The following KCTD16 variants were observed in gnomAD, a reference collection of about 807,000 sequenced individuals.
KCTD16 encodes BTB/POZ domain-containing protein KCTD16.
Under a neutral mutation model 33.2 loss-of-function variants are expected in KCTD16, and 13 were observed. That is an observed-to-expected ratio of 0.39 (90% CI 0.25 to 0.62). The LOEUF (loss-of-function observed/expected upper bound fraction) is 0.62. KCTD16 is among the 20% of genes least tolerant of loss of function. The pLI is 0.50. For missense variants in KCTD16, 441 were observed against 525.1 expected (o/e 0.84, Z 1.57); for synonymous variants, 197 against 195.3 (o/e 1.01, Z -0.07).
chr5:144,217,253 A>G (rs577916764), intron 3 of KCTD16, among the ~76,000 whole-genome samples: 1 of 152,350 alleles, frequency 6.6e-6, no homozygotes, highest in South Asian at 2.1e-4. Context: ...CTATGGGCAT[A>G]TGCCTGCCAA....
At chr5:144,346,577 A>C (rs1270862397) in intron 3 of KCTD16, among the ~76,000 whole-genome samples, 2 of 152,126 alleles carry the variant, frequency 1.3e-5, no homozygotes, top group Non-Finnish European at 2.9e-5. Flanking sequence ...ATAATATCTC[A>C]TTGCAGTTTT....
intron 3 of KCTD16, among the ~76,000 whole-genome samples, chr5:144,377,260 A>G (rs1254046226): frequency 6.6e-6 from 1 of 152,124 alleles, no homozygotes. Flanking sequence ...ATATTAATAG[A>G]GGTCCTGGAT....
chr5:144,244,349 A>G (rs1754489627), intron 3 of KCTD16, among the ~76,000 whole-genome samples: 1 of 152,222 alleles, frequency 6.6e-6, no homozygotes, highest in Admixed American at 6.5e-5. Context: ...AGGTATACAT[A>G]GGAAGCATTA....
chr5:144,464,937 GA>G (rs889262169), intron 3 of KCTD16, among the ~76,000 whole-genome samples: 14 of 152,126 alleles, frequency 9.2e-5, no homozygotes, highest in African/African-American at 3.4e-4. Flanking sequence ...ATTTTAAAAA[GA>G]AAGTCTTTTA....
At chr5:144,447,761 T>G (rs1459173156) in intron 3 of KCTD16, among the ~76,000 whole-genome samples, 1 of 152,092 alleles carries the variant, frequency 6.6e-6, no homozygotes, top group East Asian at 1.9e-4. Flanking sequence ...ATATGACACT[T>G]CCATGCTTTA....
intron 1 of KCTD16, among the ~76,000 whole-genome samples, chr5:144,173,585 A>G (rs964280156): frequency 3.3e-5 from 5 of 152,204 alleles, no homozygotes; most frequent in African/African-American, 9.7e-5. Flanking sequence ...AAGTTTATCT[A>G]TGTAACAAAC....
chr5:144,456,480 C>T (rs1316305178), intron 3 of KCTD16, among the ~76,000 whole-genome samples: 1 of 152,110 alleles, frequency 6.6e-6, no homozygotes, highest in East Asian at 1.9e-4. Flanking sequence ...CACAGACGCA[C>T]ACAGGGGGGT....
At chr5:144,250,552 C>T (rs149062529) in intron 3 of KCTD16, among the ~76,000 whole-genome samples, 9 of 152,212 alleles carry the variant, frequency 5.9e-5, no homozygotes, top group Non-Finnish European at 1.2e-4. Flanking sequence ...GCCTTTGTTC[C>T]GAGAAGTATA....
chr5:144,290,438 A>G (rs903399214), intron 3 of KCTD16, among the ~76,000 whole-genome samples: 1 of 152,194 alleles, frequency 6.6e-6, no homozygotes, highest in African/African-American at 2.4e-5. Context: ...TTTGTATTGG[A>G]ATCTTCCTTT....
At chr5:144,395,376 T>G (rs988214395) in intron 3 of KCTD16, among the ~76,000 whole-genome samples, 2 of 152,212 alleles carry the variant, frequency 1.3e-5, no homozygotes, top group Admixed American at 1.3e-4. Context: ...TTCAAGCTTC[T>G]TATAAAATGT....
intron 3 of KCTD16, among the ~76,000 whole-genome samples, chr5:144,211,592 T>A (rs1320888984): frequency 2.6e-5 from 4 of 152,154 alleles, no homozygotes; most frequent in African/African-American, 9.6e-5. Flanking sequence ...CAAACTTGAG[T>A]CTTAGCCCTA....
At chr5:144,198,057 G>A (rs1752971257) in intron 2 of KCTD16, among the ~76,000 whole-genome samples, 1 of 152,144 alleles carries the variant, frequency 6.6e-6, no homozygotes, top group Non-Finnish European at 1.5e-5. Flanking sequence ...TTAAGAGAGG[G>A]TGGTTTTCGC....
chr5:144,174,735 G>T (rs756728884), intron 2 of KCTD16, among the ~76,000 whole-genome samples: 4 of 152,186 alleles, frequency 2.6e-5, no homozygotes. Flanking sequence ...AAAAGGCAAA[G>T]AAATTTAACC....
chr5:144,354,899 G>A (rs983374598), intron 3 of KCTD16, among the ~76,000 whole-genome samples: 4 of 152,070 alleles, frequency 2.6e-5, no homozygotes, highest in African/African-American at 9.7e-5. Flanking sequence ...ATTAATAATA[G>A]GTAACATTTA....
At chr5:144,363,366 A>T (rs1172087529) in intron 3 of KCTD16, among the ~76,000 whole-genome samples, 1 of 151,686 alleles carries the variant, frequency 6.6e-6, no homozygotes, top group Non-Finnish European at 1.5e-5. Flanking sequence ...TGTTTTTTGT[A>T]TGTGTGTGTG....
chr5:144,401,025 G>T (rs1371267093), intron 3 of KCTD16, among the ~76,000 whole-genome samples: 2 of 151,156 alleles, frequency 1.3e-5, no homozygotes, highest in African/African-American at 2.4e-5. Context: ...GGAAAGGTAG[G>T]CAGGGACATA....
At chr5:144,470,170 C>T (rs569267278) in intron 3 of KCTD16, among the ~76,000 whole-genome samples, 1 of 152,132 alleles carries the variant, frequency 6.6e-6, no homozygotes, top group Admixed American at 6.6e-5. Flanking sequence ...TGGGGGGATT[C>T]TAGAATACTT....
At chr5:144,425,725 G>A (rs77171805) in intron 3 of KCTD16, among the ~76,000 whole-genome samples, 1 of 152,070 alleles carries the variant, frequency 6.6e-6, no homozygotes, top group Admixed American at 6.6e-5. Context: ...AAGAAGCACT[G>A]TGCTGGAATG....
At chr5:144,187,756 C>T (rs2126777847) in intron 2 of KCTD16, among the ~76,000 whole-genome samples, 1 of 152,164 alleles carries the variant, frequency 6.6e-6, no homozygotes, top group East Asian at 1.9e-4. Context: ...TTTGCTTTTG[C>T]CTGGAAAAAT....
Sources: allele counts gnomAD v4.1 joint callset (sites outside exome capture counted in the v4.1 genomes callset), GRCh38; gene constraint gnomAD v4.1.1; transcripts MANE v1.5; gene names NCBI Gene and HGNC (gene_info 2026-07-23, HGNC 2026-07-21).